Variants in CNTLN observed in about 807,000 individuals in gnomAD.
The protein encoded by CNTLN is centlein, centrosomal protein.
CNTLN carries 212 observed loss-of-function variants against 180.0 expected under a neutral mutation model. The observed-to-expected ratio is 1.18, with a 90% CI of 1.05 to 1.32. The LOEUF is 1.32. CNTLN is among the 40% of genes most tolerant of loss of function. The probability of loss-of-function intolerance (pLI) is 0.00; values close to 1 mark genes in which losing one functional copy is unlikely to be tolerated. For synonymous variants in CNTLN, 722 were observed against 563.1 expected, an observed-to-expected ratio of 1.28 and a Z score of -3.99; for missense variants, 2,095 against 1,610.9, an observed-to-expected ratio of 1.30 and a Z score of -5.14.
At chr9:17,468,171 T>C (rs768386205) in intron 23 of CNTLN, among the ~76,000 whole-genome samples, 3 of 151,646 alleles carry the variant, frequency 2.0e-5, no homozygotes, top group East Asian at 3.9e-4. Flanking sequence ...TTCTCACTTA[T>C]AAGTGGAACC....
chr9:17,315,213 G>A (rs1022931769), intron 8 of CNTLN, among the ~76,000 whole-genome samples: 1 of 152,008 alleles, frequency 6.6e-6, no homozygotes, highest in South Asian at 2.1e-4. Context: ...TTTGGATAAT[G>A]TCTTTCTTTT....
intron 2 of CNTLN, among the ~76,000 whole-genome samples, chr9:17,199,872 G>A (rs1822404955): frequency 6.6e-6 from 1 of 152,050 alleles, no homozygotes; most frequent in African/African-American, 2.4e-5. Context: ...TTTGACTTTT[G>A]TTGCAATTGC....
At chr9:17,283,206 CT>C (rs1304663982) in intron 6 of CNTLN, among the ~76,000 whole-genome samples, 6 of 152,116 alleles carry the variant, frequency 3.9e-5, no homozygotes, top group Non-Finnish European at 8.8e-5. Context: ...GATGTTGATT[CT>C]TTCTATCCAT....
At chr9:17,519,687 T>G in the CNTLN span, among the ~76,000 whole-genome samples, 1 of 152,164 alleles carries the variant, frequency 6.6e-6, no homozygotes, top group Admixed American at 6.5e-5. Flanking sequence ...AATTATGTGT[T>G]TATTGGATTT....
chr9:17,321,155 A>G (rs1354493716), intron 8 of CNTLN, among the ~76,000 whole-genome samples: 1 of 152,226 alleles, frequency 6.6e-6, no homozygotes, highest in Non-Finnish European at 1.5e-5. Flanking sequence ...GCTTACAGAT[A>G]CATATGACCC....
chr9:17,180,575 A>C (rs1255980429), intron 2 of CNTLN, among the ~76,000 whole-genome samples: 1 of 151,898 alleles, frequency 6.6e-6, no homozygotes, highest in East Asian at 1.9e-4. Flanking sequence ...TAATTTAGAA[A>C]ACTGAAGAAG....
chr9:17,435,985 G>A (rs1237406658), intron 18 of CNTLN, among the ~76,000 whole-genome samples: 2 of 152,196 alleles, frequency 1.3e-5, no homozygotes, highest in East Asian at 3.9e-4. Flanking sequence ...TGTGCCTCTA[G>A]GCTAGGGGAT....
intron 5 of CNTLN, among the ~76,000 whole-genome samples, chr9:17,266,752 T>C (rs1184529318): frequency 9.2e-5 from 14 of 152,230 alleles, no homozygotes; most frequent in African/African-American, 3.4e-4. Context: ...TTTAGGATAG[T>C]GAGCTCTTGT....
rs953329382 is a variant in CNTLN at position 17,403,175 on chromosome 9, T to C, written c.2616-6118T>C. On this transcript the variant is annotated intron_variant, in intron 15 of 25. Transcript: ENST00000380647. Reference sequence around the variant, plus strand: ...TCGTGGATGGACCTTTTGGAAGAGATACACACAAAGCCCATTCTGTGAACA... The same window carrying C: ...TCGTGGATGGACCTTTTGGAAGAGACACACACAAAGCCCATTCTGTGAACA... Among the ~76,000 whole-genome samples the C allele has an allele frequency of 2.6e-5, 4 of 151,666 alleles. 1 individual carries two copies. The highest frequency in any genetic ancestry group is 9.7e-5 in the African/African-American group (4 of 41,070).
intron 12 of CNTLN, among the ~76,000 whole-genome samples, chr9:17,359,695 C>G (rs112501426): frequency 8.4e-5 from 9 of 107,390 alleles, no homozygotes; most frequent in African/African-American, 2.9e-4. Context: ...TCCTGGCTAA[C>G]ACGGTGAAAC....
At chr9:17,314,646 C>G (rs890454477) in intron 8 of CNTLN, among the ~76,000 whole-genome samples, 3 of 152,142 alleles carry the variant, frequency 2.0e-5, no homozygotes, top group Admixed American at 6.6e-5. Context: ...AGTCTCCTAA[C>G]GTTATTTCTG....
At chr9:17,500,542 A>G (rs1432918177) in intron 25 of CNTLN, among the ~76,000 whole-genome samples, 4 of 152,230 alleles carry the variant, frequency 2.6e-5, no homozygotes, top group African/African-American at 9.6e-5. Flanking sequence ...CGCCTGATAA[A>G]TAGACCATGA....
intron 8 of CNTLN, among the ~76,000 whole-genome samples, chr9:17,322,614 AT>A (rs35157483): frequency 0.017 from 2,632 of 150,524 alleles, 58 homozygotes; most frequent in African/African-American, 0.055. Context: ...ATGTTTAGTG[AT>A]TTTTTTTTTC....
chr9:17,206,142 T>C (rs1351808626), intron 2 of CNTLN, among the ~76,000 whole-genome samples: 1 of 152,154 alleles, frequency 6.6e-6, no homozygotes, highest in Non-Finnish European at 1.5e-5. Context: ...CCTTGGAGAA[T>C]CGTCCCTGCT....
chr9:17,176,114 T>C (rs1190451943), intron 2 of CNTLN, among the ~76,000 whole-genome samples: 1 of 152,108 alleles, frequency 6.6e-6, no homozygotes, highest in African/African-American at 2.4e-5. Flanking sequence ...TCCCTTATTG[T>C]GTTGGCTATA....
chr9:17,445,737 G>C (rs367600284), intron 18 of CNTLN, among the ~76,000 whole-genome samples: 50 of 152,160 alleles, frequency 3.3e-4, no homozygotes, highest in African/African-American at 7.0e-4. Flanking sequence ...ATATGGCCTC[G>C]TGGGAAGGGA....
chr9:17,397,176 T>A (rs1826599162), intron 15 of CNTLN, among the ~76,000 whole-genome samples: 1 of 152,160 alleles, frequency 6.6e-6, no homozygotes, highest in South Asian at 2.1e-4. Context: ...AATTTTATCA[T>A]ATTAGTGTTT....
intron 13 of CNTLN, among the ~76,000 whole-genome samples, chr9:17,386,735 T>C (rs1825714961): frequency 6.6e-6 from 1 of 152,372 alleles, no homozygotes; most frequent in South Asian, 2.1e-4. Context: ...AAATTCATTT[T>C]TAAATCAGTC....
intron 18 of CNTLN, among the ~76,000 whole-genome samples, chr9:17,442,414 T>A (rs1830163466): frequency 6.6e-6 from 1 of 152,174 alleles, no homozygotes; most frequent in African/African-American, 2.4e-5. Flanking sequence ...TTTCTCTGTT[T>A]TTGAGATGGA....
Sources: allele counts gnomAD v4.1 joint callset (sites outside exome capture counted in the v4.1 genomes callset), GRCh38; gene constraint gnomAD v4.1.1; transcripts MANE v1.5; gene names NCBI Gene and HGNC (gene_info 2026-07-23, HGNC 2026-07-21).